The following PIWIL1 variants were observed in gnomAD, a reference collection of about 807,000 sequenced individuals.
The protein encoded by PIWIL1 is piwi like RNA-mediated gene silencing 1, also known as piwi-like protein 1.
Under a neutral mutation model 114.4 loss-of-function variants are expected in PIWIL1, and 73 were observed. That is an observed-to-expected ratio of 0.64 (90% confidence interval 0.53 to 0.78). PIWIL1 has a LOEUF of 0.78. PIWIL1 is among the 30% of genes least tolerant of loss of function. PIWIL1 has a pLI of 0.00. For synonymous variants in PIWIL1, 375 were observed against 369.0 expected, an observed-to-expected ratio of 1.02 and a Z score of -0.19; for missense variants, 723 against 1,063.1, an observed-to-expected ratio of 0.68 and a Z score of 4.45.
the PIWIL1 span, chr12:130,397,170 G>A: frequency 7.1e-5 from 25 of 354,052 alleles, no homozygotes; most frequent in Middle Eastern, 1.4e-3. Flanking sequence ...GACTGCCAGC[G>A]GTGACAGAGA....
chr12:130,357,502 T>C lies in PIWIL1; in HGVS notation c.1614T>C (p.Thr538=), dbSNP rs34275838. The change falls in exon 14 of 21, where the codon ACT becomes ACC. Residue 538 remains threonine (T), a synonymous_variant. Transcript: ENST00000245255. The part of the protein sequence containing the change: ...KAIMIEVDDR[T]EAYLRVLQQK... ...CTAGGATTGAAGTGGATGACAGAAC[T>C]GAAGCCTACTTAAGAGTCTTACAGC... is the stretch of plus-strand genomic sequence containing the variant. The C allele has an allele frequency of 8.9e-5, 144 of 1,613,446 alleles. No individual in the cohort carries two copies. The African/African-American group carries it at 1.7e-3, about 19-fold the overall frequency.
intron 14 of PIWIL1, among the ~76,000 whole-genome samples, chr12:130,359,174 G>C (rs61940168): frequency 0.16 from 23,628 of 152,070 alleles, 1,953 homozygotes; most frequent in South Asian, 0.21. Flanking sequence ...TAGTTTTCTT[G>C]TAAGTCCACA....
intron 1 of PIWIL1, among the ~76,000 whole-genome samples, chr12:130,341,889 G>A (rs988225650): frequency 1.3e-5 from 2 of 152,176 alleles, no homozygotes; most frequent in Non-Finnish European, 2.9e-5. Flanking sequence ...TTGAAGAAAT[G>A]GAGAGAACGG....
At chr12:130,408,061 A>G in the PIWIL1 span, among the ~76,000 whole-genome samples, 1 of 152,164 alleles carries the variant, frequency 6.6e-6, no homozygotes, top group East Asian at 1.9e-4. Flanking sequence ...TTAGACTAAC[A>G]TGAACCTTTT....
chr12:130,424,826 A>C, the PIWIL1 span: 2 of 1,232,548 alleles, frequency 1.6e-6, no homozygotes, highest in Non-Finnish European at 2.0e-6. This position sits in a 1 kb window ranked among gnomAD's most constrained non-coding sequence, Gnocchi z 9.8. Flanking sequence ...GCTCCCAGAA[A>C]GTGCCTTCCG....
At chr12:130,418,760 G>C in the PIWIL1 span, among the ~76,000 whole-genome samples, 3 of 152,172 alleles carry the variant, frequency 2.0e-5, no homozygotes, top group African/African-American at 7.2e-5. Flanking sequence ...CTACGTAAGA[G>C]TGCATTTTCT....
In PIWIL1 at chr12:130,361,239, G is replaced by A. The variant is rs966990668; in HGVS notation, c.1725G>A (p.Leu575=). ...KDKYDAIKKY[L]CTDCPTPSQC... ...AATACGATGCTATTAAAAAATACCT[G>A]TGTACAGATTGCCCTACCCCAAGTC... is the stretch of plus-strand genomic sequence containing the variant. Residue 575 remains leucine (L), a synonymous_variant, in exon 15 of 21, where the codon CTG becomes CTA. Coordinates refer to ENST00000245255, the MANE Select transcript of PIWIL1 (RefSeq NM_004764.5). The A allele has an allele frequency of 3.7e-6, 6 of 1,614,020 alleles. No individual in the cohort carries two copies. Among genetic ancestry groups the A allele is most frequent in the Admixed American group, 1.7e-5 (1 of 60,000 alleles).
Position 130,357,558 on chromosome 12 carries a change from G to C in PIWIL1, c.1665+5G>C. On this transcript the variant is annotated splice_donor_5th_base_variant and intron_variant, in intron 14 of 20. Transcript: ENST00000245255. ...GTCACAGCAGACACCCAGATAGTAA[G>C]TAACTAATTGACATATAGGCAGTTT... 6.3e-7 allele frequency: 1 copy of C among 1,596,680 alleles called. No homozygotes were observed. The highest frequency in any genetic ancestry group is 8.6e-7 in the Non-Finnish European group (1 of 1,164,482).
At chr12:130,369,063 A>G (rs2073747792) in intron 19 of PIWIL1, among the ~76,000 whole-genome samples, 1 of 151,810 alleles carries the variant, frequency 6.6e-6, no homozygotes, top group African/African-American at 2.4e-5. Flanking sequence ...TTACCCCCCA[A>G]CAGGCCCCAG....
At chr12:130,385,542 T>A in the PIWIL1 span, among the ~76,000 whole-genome samples, 7,081 of 152,308 alleles carry the variant, frequency 0.046, 190 homozygotes, top group Middle Eastern at 0.061. Context: ...TGATGCAGTT[T>A]AACCTGTTTT....
the PIWIL1 span, among the ~76,000 whole-genome samples, chr12:130,410,605 T>C: frequency 6.6e-6 from 1 of 152,220 alleles, no homozygotes; most frequent in African/African-American, 2.4e-5. Context: ...GCACCAATGA[T>C]TGAAAAGAGC....
chr12:130,377,048 G>C (rs77678797), downstream of PIWIL1, among the ~76,000 whole-genome samples: 3,547 of 152,276 alleles, frequency 0.023, 60 homozygotes, highest in Middle Eastern at 0.041. Context: ...CCCTGTGAGC[G>C]TGCAGCCTAG....
chr12:130,342,513 C>A, intron 1 of PIWIL1, 67 bp from the exon 2 acceptor site: 1 of 911,952 alleles, frequency 1.1e-6, no homozygotes, highest in Non-Finnish European at 1.8e-6. Flanking sequence ...TTTAAAGTAA[C>A]ATTGTAGAAA....
downstream of PIWIL1, among the ~76,000 whole-genome samples, chr12:130,373,332 A>G (rs2073842758): frequency 6.6e-6 from 1 of 152,242 alleles, no homozygotes; most frequent in African/African-American, 2.4e-5. Context: ...TTAAGTCATG[A>G]AAAGCTCATT....
chr12:130,357,076 C>T lies in PIWIL1; in HGVS notation c.1563C>T (p.Ala521=). 6.2e-7 allele frequency: 1 copy of T among 1,610,708 alleles called. No homozygotes were observed. The highest frequency in any genetic ancestry group is 8.5e-7 in the Non-Finnish European group (1 of 1,177,926). ...AAAATCTATTTAAAGTTACACCAGC[C>T]ATGGGCATGCAAATGAGAAAAGCAA... ...LIQNLFKVTP[A]MGMQMRKAIM... The change falls in exon 13 of 21, where the codon GCC becomes GCT. Residue 521 remains alanine, a synonymous_variant. Transcript: ENST00000245255.
At chr12:130,392,915 A>ATG in the PIWIL1 span, among the ~76,000 whole-genome samples, 12 of 97,040 alleles carry the variant, frequency 1.2e-4, 2 homozygotes, top group East Asian at 5.3e-4. Flanking sequence ...CACCGTCATC[A>ATG]CGTGTCTGTC....
At chr12:130,406,387 A>G in the PIWIL1 span, 42 of 604,874 alleles carry the variant, frequency 6.9e-5, no homozygotes, top group Middle Eastern at 8.8e-4. Context: ...GTAGAAGCTA[A>G]TGAATGGCTC....
chr12:130,346,987 T>A lies in PIWIL1; in HGVS notation c.578T>A (p.Ile193Lys). The A allele has an allele frequency of 6.2e-7, 1 of 1,613,892 alleles. No homozygotes were observed. The highest frequency in any genetic ancestry group is 8.5e-7 in the Non-Finnish European group (1 of 1,179,826). ...SKTRNGEDVR[I>K]TITLTNELPP... ...ACCCGGAATGGAGAGGATGTGAGGA[T>A]AACGATCACTTTAACAAATGAACTT... The change falls in exon 6 of 21, where the codon ATA (isoleucine) becomes AAA (lysine). Residue 193 changes from isoleucine (I) to lysine (K), a missense_variant. Ile to Lys is a moderately radical substitution (Grantham distance 102). This residue lies in a region of PIWIL1 where 190 missense variants were observed against 294.4 expected (regional missense o/e 0.65). Coordinates refer to ENST00000245255, the MANE Select transcript of PIWIL1 (RefSeq NM_004764.5).
the PIWIL1 span, among the ~76,000 whole-genome samples, chr12:130,409,649 G>A: frequency 0.019 from 2,866 of 152,226 alleles, 42 homozygotes; most frequent in Non-Finnish European, 0.028. Context: ...GGCCCAGAAT[G>A]TAGCTTTTGA....
Sources: gnomAD v4.1 joint callset for allele counts (sites outside exome capture counted in the v4.1 genomes callset) on GRCh38, gnomAD v4.1.1 for gene constraint, gnomAD v4.1.1 regional missense constraint, Gnocchi (gnomAD v3.1) non-coding constraint, MANE v1.5 for transcripts, NCBI Gene and HGNC (gene_info 2026-07-23, HGNC 2026-07-21) for gene names.